Variants in CCDC141 observed in about 807,000 individuals in gnomAD.
CCDC141 encodes the protein coiled-coil domain-containing protein 141.
In CCDC141, 168 loss-of-function variants were observed where a neutral mutation model predicts 181.0. That is an observed-to-expected ratio of 0.93 (90% CI 0.82 to 1.05). The LOEUF (loss-of-function observed/expected upper bound fraction) is 1.05, where lower values mean the gene tolerates loss of function less well. Ranked by LOEUF, CCDC141 falls within the 50% of genes least tolerant of loss-of-function variation. The pLI is 0.00. For synonymous variants in CCDC141, 666 were observed against 642.3 expected (o/e 1.04, Z -0.56); for missense variants, 1,902 against 1,788.5 (o/e 1.06, Z -1.14).
chr2:178,914,169 G>A (rs1688342654), intron 7 of CCDC141, among the ~76,000 whole-genome samples: 1 of 152,100 alleles, frequency 6.6e-6, no homozygotes. Flanking sequence ...TCTAATAGGT[G>A]CTATATTCAT....
At chr2:178,861,787 A>C (rs1002582486) in intron 17 of CCDC141, among the ~76,000 whole-genome samples, 8 of 152,144 alleles carry the variant, frequency 5.3e-5, no homozygotes, top group African/African-American at 1.9e-4. Context: ...TTGTATTCTT[A>C]TGGCTTGGTA....
chr2:179,044,185 T>C, intron 2 of CCDC141, among the ~76,000 whole-genome samples: 1 of 152,238 alleles, frequency 6.6e-6, no homozygotes, highest in Admixed American at 6.6e-5. Context: ...GAACATTCCA[T>C]GCTCGTGGAT....
At chr2:178,865,998 C>T (rs1685835972) in intron 16 of CCDC141, 82 bp from the exon 17 acceptor site, 6 of 1,098,840 alleles carry the variant, frequency 5.5e-6, no homozygotes, top group Non-Finnish European at 3.6e-6. Context: ...AATTATGAAA[C>T]TCATAAATGA....
chr2:179,006,827 A>G lies in CCDC141; in HGVS notation c.226-28152T>C, dbSNP rs184145827. Among the ~76,000 whole-genome samples the G allele has an allele frequency of 1.5e-3, 236 of 152,328 alleles. 1 individual carries two copies. The highest frequency in any genetic ancestry group is 3.7e-3 in the South Asian group (18 of 4,802). On this transcript the variant is annotated intron_variant, in intron 2 of 23. Transcript: ENST00000443758. ...TGATTTTTCTTTCTACATTAAACAT[A>G]TTAAACTCTAATAGGAAAATTAAGC...
intron 2 of CCDC141, among the ~76,000 whole-genome samples, chr2:179,008,973 C>T (rs1307676845): frequency 1.3e-5 from 2 of 152,184 alleles, no homozygotes; most frequent in Non-Finnish European, 2.9e-5. Context: ...CAGCCACTGC[C>T]TACTTGTCCA....
In CCDC141 at chr2:179,014,680, C is replaced by T. The variant is rs186964326; in HGVS notation, c.225+32604G>A. Among the ~76,000 whole-genome samples, 167 of 152,190 alleles carry T rather than the reference C, an allele frequency of 1.1e-3. 1 individual carries two copies. Among genetic ancestry groups the T allele is most frequent in the African/African-American group, 3.7e-3 (153 of 41,530 alleles). ...AGAAACATGAAAAAATGCTCAGCAT[C>T]ACTAATGATCAGGAAAATGCAAATC... is the stretch of plus-strand genomic sequence containing the variant. On this transcript the variant is annotated intron_variant, in intron 2 of 23. Coordinates refer to ENST00000443758, the MANE Select transcript of CCDC141 (RefSeq NM_173648.4).
chr2:178,918,836 C>G lies in CCDC141; in HGVS notation c.969G>C (p.Glu323Asp). 6.4e-7 allele frequency: 1 copy of G among 1,550,622 alleles called. No homozygotes were observed. Among genetic ancestry groups the G allele is most frequent in the Non-Finnish European group, 8.7e-7 (1 of 1,146,994 alleles). ...GGTGAGAGAGCTGGAGGTGTTCTTT[C>G]TCCACGTAGTCCTTTGACAGCAGAA... The part of the protein sequence containing the change: ...LRILLSKDYV[E>D]KEHLQLSHQK... Residue 323 changes from glutamate to aspartate, a missense_variant, in exon 7 of 24, where the codon GAG (glutamate) becomes GAC (aspartate). Glu to Asp is a conservative substitution (Grantham distance 45). Coordinates refer to ENST00000443758, the MANE Select transcript of CCDC141 (RefSeq NM_173648.4).
At chr2:178,953,166 G>C (rs1160842169) in intron 5 of CCDC141, among the ~76,000 whole-genome samples, 1 of 152,210 alleles carries the variant, frequency 6.6e-6, no homozygotes, top group Non-Finnish European at 1.5e-5. Context: ...GCTGGGCGTG[G>C]TGGCTCACGC....
chr2:178,956,837 C>T (rs938019048), intron 5 of CCDC141, among the ~76,000 whole-genome samples: 4 of 151,798 alleles, frequency 2.6e-5, no homozygotes, highest in African/African-American at 9.7e-5. Flanking sequence ...TGTATAACAA[C>T]AGTAATGCTA....
chr2:178,860,505 C>T (rs1391818899), intron 17 of CCDC141, among the ~76,000 whole-genome samples: 1 of 144,044 alleles, frequency 6.9e-6, no homozygotes, highest in Non-Finnish European at 1.5e-5. Flanking sequence ...TGCACTCCAG[C>T]CAGGGCAACA....
chr2:178,839,770 A>G (rs947055923), intron 22 of CCDC141, among the ~76,000 whole-genome samples: 1 of 152,022 alleles, frequency 6.6e-6, no homozygotes, highest in African/African-American at 2.4e-5. Flanking sequence ...ATGTTCTTAG[A>G]AGTTCCCCTC....
At chr2:178,891,872 G>A (rs1254188912) in intron 8 of CCDC141, among the ~76,000 whole-genome samples, 1 of 151,754 alleles carries the variant, frequency 6.6e-6, no homozygotes, top group African/African-American at 2.4e-5. Flanking sequence ...CTATTGTGTT[G>A]TAAATTCTTT....
intron 6 of CCDC141, among the ~76,000 whole-genome samples, chr2:178,935,646 G>T (rs1689256045): frequency 6.6e-6 from 1 of 152,132 alleles, no homozygotes; most frequent in Non-Finnish European, 1.5e-5. Context: ...GCCCAGTAAT[G>T]GGATTGCTGG....
chr2:178,853,301 T>G, intron 20 of CCDC141, 140 bp downstream of exon 20: 1 of 706,150 alleles, frequency 1.4e-6, no homozygotes, highest in Non-Finnish European at 2.3e-6. Context: ...GGCTGTGGGC[T>G]CTTACCTTGA....
chr2:178,986,635 CA>C (rs1223021565), intron 2 of CCDC141, among the ~76,000 whole-genome samples: 1 of 151,710 alleles, frequency 6.6e-6, no homozygotes, highest in East Asian at 1.9e-4. Flanking sequence ...GATACAAAAT[CA>C]ATGTGCAAAA....
chr2:178,854,320 C>T (rs961333316), intron 19 of CCDC141, among the ~76,000 whole-genome samples: 6 of 151,978 alleles, frequency 3.9e-5, no homozygotes, highest in Non-Finnish European at 4.4e-5. Flanking sequence ...GTCAGGAGAT[C>T]GAGACCATCC....
chr2:178,905,214 C>A (rs1360608106), intron 8 of CCDC141, 115 bp downstream of exon 8: 1 of 955,606 alleles, frequency 1.0e-6, no homozygotes, highest in Non-Finnish European at 1.5e-6. Flanking sequence ...TAAGCCATAT[C>A]ATAATGCAGC....
intron 6 of CCDC141, among the ~76,000 whole-genome samples, chr2:178,928,441 A>C (rs1043587391): frequency 2.0e-5 from 3 of 152,234 alleles, no homozygotes; most frequent in Non-Finnish European, 4.4e-5. Flanking sequence ...TGTTCACTTA[A>C]AGTGGATTCA....
chr2:178,951,240 C>T (rs886300721), intron 5 of CCDC141, among the ~76,000 whole-genome samples: 3 of 152,180 alleles, frequency 2.0e-5, no homozygotes, highest in Non-Finnish European at 4.4e-5. Context: ...ACTTAAAGTT[C>T]TATCCTAAGT....
Sources: gnomAD v4.1 joint callset for allele counts (sites outside exome capture counted in the v4.1 genomes callset) on GRCh38, gnomAD v4.1.1 for gene constraint, MANE v1.5 for transcripts, NCBI Gene and HGNC (gene_info 2026-07-23, HGNC 2026-07-21) for gene names.